ZNF721: variants seen among roughly 807,000 people sequenced by gnomAD.
ZNF721 encodes zinc finger protein 721.
ZNF721 carries 2 observed loss-of-function variants against 2.4 expected under a neutral mutation model. The observed-to-expected ratio is 0.82, with a 90% CI of 0.34 to 2.58. ZNF721 has a LOEUF of 2.58. Among genes scored for constraint, ZNF721 ranks in the 30% most tolerant of loss-of-function variants. The pLI is 0.11. For missense variants in ZNF721, 1,187 were observed against 1,085.5 expected (o/e 1.09, Z -1.31); for synonymous variants, 398 against 381.8 (o/e 1.04, Z -0.50).
chr4:458,246 T>C (rs1222221060), intron 2 of ZNF721, among the ~76,000 whole-genome samples: 1 of 152,152 alleles, frequency 6.6e-6, no homozygotes, highest in Admixed American at 6.5e-5. Flanking sequence ...TCTCAGAAAA[T>C]AGATAGAATC....
At chr4:498,532 T>C (rs573498077) in intron 1 of ZNF721, among the ~76,000 whole-genome samples, 4 of 152,286 alleles carry the variant, frequency 2.6e-5, no homozygotes, top group East Asian at 3.9e-4. Context: ...ATATACACAA[T>C]GGAGTACTAT....
rs1226554994 is a variant in ZNF721 at position 440,826 on chromosome 4, C to T, written c.*869G>A. 6.6e-6 allele frequency: 1 copy of T among 152,226 alleles called. No individual in the cohort carries two copies. Among genetic ancestry groups the T allele is most frequent in the East Asian group, 1.9e-4 (1 of 5,196 alleles). The allele number at this position is 152,226 out of a possible 1,614,324, so 9.4% of individuals were successfully genotyped here. A position where few individuals can be genotyped will look rare whatever the true frequency, so the allele number is the denominator to read the frequency against. The stretch of plus-strand genomic sequence containing the variant: ...GATTACAGCCATGCACCACCATGTC[C>T]TGCTAATTTTTGTATTTTTAGTACA... On this transcript the variant is annotated 3_prime_UTR_variant, in exon 3 of 3. Transcript: ENST00000511833.
rs541418192 is a variant in ZNF721, at chr4:474,124, G to A, written c.-93-1423C>T. The stretch of plus-strand genomic sequence containing the variant: ...GAAGCAGGGAAGTGAGGCCCTAACC[G>A]AGCTCAGGCTGAAGCAACAGGCCAA... On this transcript the variant is annotated intron_variant, in intron 1 of 2. Coordinates refer to ENST00000511833, the MANE Select transcript of ZNF721 (RefSeq NM_133474.4). 57 of 1,068,346 alleles carry A rather than the reference G, an allele frequency of 5.3e-5. No homozygotes were observed. The East Asian group carries it at 1.2e-3, about 22-fold the overall frequency. 66.2% of individuals were successfully genotyped at this position (1,068,346 alleles called of 1,614,324 possible).
At position 474,025 on chromosome 4, in the gene ZNF721, A is replaced by G. The variant is rs567107788; in HGVS notation, c.-93-1324T>C. On this transcript the variant is annotated intron_variant, in intron 1 of 2. Coordinates refer to ENST00000511833, the MANE Select transcript of ZNF721 (RefSeq NM_133474.4). ...TGTCGCGAAGTCTTAGCTACGAATC[A>G]TCCAATACCCGCAGGTTACAGAGCG... is the stretch of plus-strand genomic sequence containing the variant. 58 of 1,497,426 alleles carry G rather than the reference A, an allele frequency of 3.9e-5. 1 individual carries two copies. In the South Asian group the frequency reaches 6.2e-4, roughly 16 times the overall value. The allele number at this position is 1,497,426 out of a possible 1,614,324, so 92.8% of individuals were successfully genotyped here. A position where few individuals can be genotyped will look rare whatever the true frequency, so the allele number is the denominator to read the frequency against.
intron 1 of ZNF721, among the ~76,000 whole-genome samples, chr4:487,507 G>C (rs1328362591): frequency 1.3e-5 from 2 of 152,122 alleles, no homozygotes; most frequent in African/African-American, 4.8e-5. Flanking sequence ...TTTCTAACCA[G>C]CTCAATCCTG....
intron 1 of ZNF721, among the ~76,000 whole-genome samples, chr4:473,735 C>A (rs115814351): frequency 2.6e-5 from 4 of 152,222 alleles, no homozygotes; most frequent in Non-Finnish European, 4.4e-5. Flanking sequence ...CTTCTCCTCA[C>A]CCCACAGCCC....
intron 1 of ZNF721, among the ~76,000 whole-genome samples, chr4:498,772 A>T (rs28697064): frequency 0.42 from 62,186 of 148,868 alleles, 13,782 homozygotes; most frequent in African/African-American, 0.59. Context: ...GTTGCCAGGC[A>T]GAAGTGCAGT....
intron 1 of ZNF721, among the ~76,000 whole-genome samples, chr4:492,481 G>T (rs1358806749): frequency 6.6e-6 from 1 of 151,918 alleles, no homozygotes; most frequent in Non-Finnish European, 1.5e-5. Flanking sequence ...AGAGTAAATC[G>T]ATCCCTTAAG....
At chr4:491,846 T>C (rs1553871501) in intron 1 of ZNF721, among the ~76,000 whole-genome samples, 2 of 151,882 alleles carry the variant, frequency 1.3e-5, no homozygotes, top group Non-Finnish European at 2.9e-5. Flanking sequence ...TAAACGGATG[T>C]AATAACCTTA....
intron 2 of ZNF721, among the ~76,000 whole-genome samples, chr4:453,167 G>C (rs782005106): frequency 6.6e-6 from 1 of 152,206 alleles, no homozygotes; most frequent in Non-Finnish European, 1.5e-5. Flanking sequence ...GAAAACATAA[G>C]CATTTCTGAT....
intron 2 of ZNF721, among the ~76,000 whole-genome samples, chr4:465,899 T>G (rs1249636559): frequency 6.6e-6 from 1 of 151,840 alleles, no homozygotes; most frequent in Non-Finnish European, 1.5e-5. Flanking sequence ...ATGAAAGGAT[T>G]AAAAAACAGA....
At chr4:493,713 T>G (rs1553871825) in intron 1 of ZNF721, among the ~76,000 whole-genome samples, 2 of 149,840 alleles carry the variant, frequency 1.3e-5, no homozygotes, top group African/African-American at 4.9e-5. Flanking sequence ...GTTATGGTAA[T>G]CTTACTAAAT....
intron 1 of ZNF721, among the ~76,000 whole-genome samples, chr4:495,184 A>G (rs1553872039): frequency 6.6e-6 from 1 of 151,898 alleles, no homozygotes; most frequent in Non-Finnish European, 1.5e-5. Flanking sequence ...GCCCAGCCTA[A>G]ATTTTTTTTT....
In ZNF721 at chr4:443,448, T is replaced by C. The variant is rs1157026734; in HGVS notation, c.1019A>G (p.Lys340Arg). ...AAGGTTTGCGGACTGTCTAAAGGTTTTGCCACATTCTCCACATGTGTAGGG... is the reference window on the plus strand; with the variant it reads ...AAGGTTTGCGGACTGTCTAAAGGTTCTGCCACATTCTCCACATGTGTAGGG... ...EKPYTCGECG[K>R]TFRQSANLYV... is the part of the protein sequence containing the mutation. The change falls in exon 3 of 3, where the codon AAA (lysine) becomes AGA (arginine). Residue 340 changes from lysine (K) to arginine (R), a missense_variant. Physicochemically the swap from Lys to Arg is conservative, Grantham distance 26 (BLOSUM62 2). Transcript: ENST00000511833. 9 of 1,611,936 alleles carry C rather than the reference T, an allele frequency of 5.6e-6. No individual in the cohort carries two copies. The highest frequency in any genetic ancestry group is 1.7e-4 in the Middle Eastern group (1 of 6,050).
intron 1 of ZNF721, among the ~76,000 whole-genome samples, chr4:486,234 T>C (rs551394302): frequency 4.2e-4 from 63 of 151,376 alleles, no homozygotes; most frequent in Non-Finnish European, 7.4e-4. Flanking sequence ...TCTTGGCTCA[T>C]TGCAACTTCT....
chr4:478,348 T>C (rs1553868903), intron 1 of ZNF721, among the ~76,000 whole-genome samples: 3 of 152,340 alleles, frequency 2.0e-5, no homozygotes, highest in South Asian at 4.1e-4. Flanking sequence ...TACTTTGTTT[T>C]TTTTGCATAT....
At chr4:470,998 CAA>C (rs782706278) in intron 2 of ZNF721, among the ~76,000 whole-genome samples, 18 of 79,324 alleles carry the variant, frequency 2.3e-4, no homozygotes, top group Admixed American at 1.4e-4. Flanking sequence ...GACTCTGTCT[CAA>C]AAAAAAAAAA....
At chr4:450,542 A>G (rs1198793801) in intron 2 of ZNF721, among the ~76,000 whole-genome samples, 5 of 152,200 alleles carry the variant, frequency 3.3e-5, no homozygotes, top group Non-Finnish European at 7.3e-5. Flanking sequence ...GGCTCAGGAA[A>G]AAAAATATGG....
intron 1 of ZNF721, among the ~76,000 whole-genome samples, chr4:489,233 C>A (rs188160378): frequency 1.7e-3 from 260 of 152,260 alleles, no homozygotes; most frequent in African/African-American, 5.9e-3. Flanking sequence ...AGATCCAACA[C>A]CCTTAGGGGA....
Sources: allele counts gnomAD v4.1 joint callset (sites outside exome capture counted in the v4.1 genomes callset), GRCh38; gene constraint gnomAD v4.1.1; transcripts MANE v1.5; gene names NCBI Gene and HGNC (gene_info 2026-07-23, HGNC 2026-07-21).